WDPCP: variants seen among roughly 807,000 people sequenced by gnomAD.
WDPCP encodes the protein WD repeat containing planar cell polarity effector, also known as WD repeat-containing and planar cell polarity effector protein fritz homolog.
WDPCP carries 71 observed loss-of-function variants against 93.1 expected under a neutral mutation model. That is an observed-to-expected ratio of 0.76 (90% CI 0.63 to 0.93). The LOEUF (loss-of-function observed/expected upper bound fraction) is 0.93. Among genes scored for constraint, WDPCP ranks in the 40% least tolerant of loss-of-function variants. The pLI is 0.00. For missense variants in WDPCP, 844 were observed against 887.4 expected, an observed-to-expected ratio of 0.95 and a Z score of 0.62; for synonymous variants, 315 against 315.0, an observed-to-expected ratio of 1.00 and a Z score of 0.00.
chr2:63,298,733 T>C (rs1685079237), intron 13 of WDPCP, among the ~76,000 whole-genome samples: 1 of 152,114 alleles, frequency 6.6e-6, no homozygotes, highest in South Asian at 2.1e-4. Flanking sequence ...AGCCATTACA[T>C]AGAGGCAAAG....
chr2:63,583,501 T>G (rs1188749048), intron 1 of WDPCP, among the ~76,000 whole-genome samples: 1 of 151,930 alleles, frequency 6.6e-6, no homozygotes, highest in Non-Finnish European at 1.5e-5. Context: ...ACCAACATGG[T>G]GAAAACCCAT....
At chr2:63,161,480 C>G (rs1048736319) in intron 15 of WDPCP, among the ~76,000 whole-genome samples, 3 of 152,090 alleles carry the variant, frequency 2.0e-5, no homozygotes, top group Non-Finnish European at 2.9e-5. Flanking sequence ...ACATTTCTGG[C>G]TGTTCTGCAA....
At chr2:63,371,742 C>CTA (rs1691411021) in intron 12 of WDPCP, among the ~76,000 whole-genome samples, 1 of 152,068 alleles carries the variant, frequency 6.6e-6, no homozygotes, top group Non-Finnish European at 1.5e-5. Context: ...AGGGCCAAGG[C>CTA]TAAGGCTAGG....
At chr2:63,433,034 T>C (rs1275128827) in intron 9 of WDPCP, among the ~76,000 whole-genome samples, 1 of 152,126 alleles carries the variant, frequency 6.6e-6, no homozygotes, top group African/African-American at 2.4e-5. Flanking sequence ...GGGAGCTTTT[T>C]TTACAGCTAT....
chr2:63,722,578 G>A (rs1460250460), intron 2 of WDPCP, among the ~76,000 whole-genome samples: 2 of 128,180 alleles, frequency 1.6e-5, no homozygotes, highest in Non-Finnish European at 3.4e-5. Context: ...TCAGCCCCCC[G>A]CCCGGCCAGC....
At chr2:63,808,786 T>C (rs556117808) in intron 2 of WDPCP, among the ~76,000 whole-genome samples, 7 of 151,914 alleles carry the variant, frequency 4.6e-5, no homozygotes, top group East Asian at 2.0e-4. Flanking sequence ...GTGAGGAGCG[T>C]CTCTGCCTGG....
At position 63,450,256 on chromosome 2, in the gene WDPCP, T is replaced by C. The variant is rs151328606; in HGVS notation, c.385-10385A>G. 8.8e-3 allele frequency among the ~76,000 whole-genome samples: 1,338 copies of C among 152,216 alleles called. 22 individuals carry two copies. The highest frequency in any genetic ancestry group is 0.03 in the African/African-American group (1,250 of 41,536). ...GGTGACTGAGTCCCCAACAGTGGAATGGCCTCCATGCCTAGGCTTACATGT... is the reference window on the plus strand; with the variant it reads ...GGTGACTGAGTCCCCAACAGTGGAACGGCCTCCATGCCTAGGCTTACATGT... On this transcript the variant is annotated intron_variant, in intron 6 of 17. Transcript: ENST00000272321.
chr2:63,537,927 A>T (rs1259452810), intron 1 of WDPCP, among the ~76,000 whole-genome samples: 2 of 152,248 alleles, frequency 1.3e-5, no homozygotes, highest in Non-Finnish European at 2.9e-5. Context: ...TTGCTGTCAG[A>T]TAAATTAATC....
At chr2:63,815,191 C>G (rs902362504) in intron 1 of WDPCP, among the ~76,000 whole-genome samples, 2 of 151,946 alleles carry the variant, frequency 1.3e-5, no homozygotes, top group African/African-American at 4.8e-5. Context: ...TTAGATTTGC[C>G]AAGTGTCAAC....
At chr2:63,470,706 A>AAG (rs754588715) in intron 6 of WDPCP, among the ~76,000 whole-genome samples, 121 of 152,288 alleles carry the variant, frequency 7.9e-4, no homozygotes, top group Non-Finnish European at 1.2e-3. Context: ...AAAACTCTTC[A>AAG]AGAGCTTCTC....
At chr2:63,772,774 A>G (rs1202405814) in intron 2 of WDPCP, among the ~76,000 whole-genome samples, 1 of 152,080 alleles carries the variant, frequency 6.6e-6, no homozygotes, top group African/African-American at 2.4e-5. Context: ...CAGCAACCTC[A>G]TAACAAATGA....
chr2:63,744,391 A>G (rs747699620), intron 2 of WDPCP, among the ~76,000 whole-genome samples: 13 of 152,136 alleles, frequency 8.5e-5, no homozygotes, highest in Non-Finnish European at 1.8e-4. Context: ...AGATTCTGAG[A>G]AGACAGCCAC....
At chr2:63,704,152 T>C (rs191142942) in intron 2 of WDPCP, among the ~76,000 whole-genome samples, 13 of 152,370 alleles carry the variant, frequency 8.5e-5, no homozygotes, top group Admixed American at 3.3e-4. Flanking sequence ...ATTGATTTTG[T>C]ATCCTGCGAC....
chr2:63,126,855 T>A (rs1248030181), intron 17 of WDPCP, among the ~76,000 whole-genome samples: 2 of 151,710 alleles, frequency 1.3e-5, no homozygotes. Context: ...TTTTTAAACT[T>A]TTATTTTTGT....
intron 2 of WDPCP, among the ~76,000 whole-genome samples, chr2:63,777,659 C>CA (rs1207022755): frequency 6.6e-6 from 1 of 151,698 alleles, no homozygotes; most frequent in Non-Finnish European, 1.5e-5. Context: ...AGAAGCCAGA[C>CA]AAAAAAAGAA....
chr2:63,149,590 G>T (rs1671756043), intron 17 of WDPCP, among the ~76,000 whole-genome samples: 1 of 152,148 alleles, frequency 6.6e-6, no homozygotes, highest in African/African-American at 2.4e-5. Flanking sequence ...ACTAACAGAA[G>T]AATGAATAAA....
At chr2:63,153,195 C>T (rs188956540) in intron 16 of WDPCP, 84 of 557,724 alleles carry the variant, frequency 1.5e-4, no homozygotes, top group East Asian at 1.5e-3. Context: ...ATACTAGCAG[C>T]ATATCACTTG....
At chr2:63,261,196 T>A (rs1297920903) in intron 13 of WDPCP, among the ~76,000 whole-genome samples, 3 of 151,914 alleles carry the variant, frequency 2.0e-5, no homozygotes, top group Admixed American at 6.6e-5. Flanking sequence ...TCTGTTTTTT[T>A]TTTTTTAATC....
chr2:63,839,840 C>T, the WDPCP span, among the ~76,000 whole-genome samples: 130 of 152,172 alleles, frequency 8.5e-4, no homozygotes, highest in Non-Finnish European at 1.7e-3. Context: ...ATTCGTTTTA[C>T]GGCCGAGAGG....
Sources: allele counts gnomAD v4.1 joint callset (sites outside exome capture counted in the v4.1 genomes callset), GRCh38; gene constraint gnomAD v4.1.1; transcripts MANE v1.5; gene names NCBI Gene and HGNC (gene_info 2026-07-23, HGNC 2026-07-21).